The following KDM4C variants were observed in gnomAD, a reference collection of about 807,000 sequenced individuals.
The protein encoded by KDM4C is lysine-specific demethylase 4C.
In KDM4C, 81 loss-of-function variants were observed where a neutral mutation model predicts 129.3. The observed-to-expected ratio is 0.63, with a 90% confidence interval of 0.52 to 0.75. The LOEUF (loss-of-function observed/expected upper bound fraction) is 0.75, where lower values mean the gene tolerates loss of function less well. KDM4C is among the 30% of genes least tolerant of loss of function. The pLI is 0.00. For synonymous variants in KDM4C, 573 were observed against 456.1 expected (o/e 1.26, Z -3.26); for missense variants, 1,457 against 1,304.0 (o/e 1.12, Z -1.81).
intron 1 of KDM4C, among the ~76,000 whole-genome samples, chr9:6,759,420 G>A (rs572945008): frequency 1.3e-5 from 2 of 152,302 alleles, no homozygotes; most frequent in East Asian, 3.9e-4. Flanking sequence ...AGTCGGCTCT[G>A]CTTTGCGATT....
intron 16 of KDM4C, among the ~76,000 whole-genome samples, chr9:7,047,742 T>C (rs1829610504): frequency 6.6e-6 from 1 of 152,034 alleles, no homozygotes; most frequent in Non-Finnish European, 1.5e-5. Context: ...ATCCAGATTT[T>C]CATCTTTAAT....
At chr9:6,796,166 C>T (rs1827712510) in intron 2 of KDM4C, among the ~76,000 whole-genome samples, 1 of 152,082 alleles carries the variant, frequency 6.6e-6, no homozygotes, top group Non-Finnish European at 1.5e-5. Flanking sequence ...CTCATTTGGG[C>T]TGGGTGTGGG....
chr9:6,981,140 G>T, intron 9 of KDM4C, 22 bp downstream of exon 9: 2 of 1,577,968 alleles, frequency 1.3e-6, no homozygotes, highest in South Asian at 2.3e-5. Context: ...TCACCCCACT[G>T]ACCTGCCTTG....
intron 1 of KDM4C, among the ~76,000 whole-genome samples, chr9:6,780,506 C>T (rs560202211): frequency 6.6e-6 from 1 of 151,906 alleles, no homozygotes; most frequent in Admixed American, 6.6e-5. Context: ...GTGGCTCACA[C>T]CTGTAATCCC....
At chr9:6,865,971 T>C (rs1333913341) in intron 5 of KDM4C, among the ~76,000 whole-genome samples, 4 of 152,212 alleles carry the variant, frequency 2.6e-5, no homozygotes, top group Admixed American at 6.5e-5. Flanking sequence ...GCCAGGATGG[T>C]CTCGATCTCC....
chr9:6,902,070 G>A (rs1358526261), intron 8 of KDM4C, among the ~76,000 whole-genome samples: 1 of 152,148 alleles, frequency 6.6e-6, no homozygotes, highest in Non-Finnish European at 1.5e-5. Flanking sequence ...TTAGGCCTTT[G>A]TTGTTTGGGT....
At chr9:7,165,397 A>G (rs758538424) in intron 20 of KDM4C, 40 bp downstream of exon 20, 6 of 1,603,354 alleles carry the variant, frequency 3.7e-6, no homozygotes, top group African/African-American at 1.3e-5. Flanking sequence ...TAAGATTGAC[A>G]TGATAAGTCA....
At chr9:7,119,043 G>A (rs553530315) in intron 18 of KDM4C, among the ~76,000 whole-genome samples, 1 of 152,248 alleles carries the variant, frequency 6.6e-6, no homozygotes, top group South Asian at 2.1e-4. Context: ...TCAGTGGGGA[G>A]AAATGATATT....
chr9:6,933,778 A>T (rs1045345635), intron 8 of KDM4C, among the ~76,000 whole-genome samples: 2 of 152,106 alleles, frequency 1.3e-5, no homozygotes, highest in African/African-American at 4.8e-5. Flanking sequence ...AGATTTTGGT[A>T]TGGCTGTTTT....
At chr9:6,869,510 G>A (rs754725621) in intron 5 of KDM4C, among the ~76,000 whole-genome samples, 4 of 152,230 alleles carry the variant, frequency 2.6e-5, no homozygotes, top group Non-Finnish European at 5.9e-5. Flanking sequence ...CTTGTATAGT[G>A]CTCCAGGAAT....
chr9:6,914,933 T>G (rs112338415), intron 8 of KDM4C, among the ~76,000 whole-genome samples: 5,275 of 152,342 alleles, frequency 0.035, 153 homozygotes, highest in African/African-American at 0.071. Flanking sequence ...TTTGCTTTGT[T>G]AAAGCTGCCC....
chr9:6,730,398 A>T (rs1157195339), intron 1 of KDM4C, among the ~76,000 whole-genome samples: 2 of 151,942 alleles, frequency 1.3e-5, no homozygotes, highest in Admixed American at 1.3e-4. Context: ...GGAGGATCAC[A>T]AGGTCAGGAA....
At chr9:6,762,121 T>C (rs1194956751) in intron 1 of KDM4C, among the ~76,000 whole-genome samples, 1 of 151,996 alleles carries the variant, frequency 6.6e-6, no homozygotes, top group Non-Finnish European at 1.5e-5. Flanking sequence ...TATTATACTT[T>C]AAGTTCTAGG....
intron 5 of KDM4C, among the ~76,000 whole-genome samples, chr9:6,864,132 T>TC (rs1049423912): frequency 4.6e-5 from 7 of 152,236 alleles, no homozygotes; most frequent in African/African-American, 1.7e-4. Flanking sequence ...GTGGGTTTTT[T>TC]CCCCTCCCTG....
intron 11 of KDM4C, among the ~76,000 whole-genome samples, chr9:6,987,078 A>G (rs1394457081): frequency 6.6e-6 from 1 of 152,192 alleles, no homozygotes; most frequent in Non-Finnish European, 1.5e-5. Flanking sequence ...AGTAAAGATT[A>G]CAGAATTGTT....
intron 8 of KDM4C, among the ~76,000 whole-genome samples, chr9:6,935,784 A>G (rs1285564440): frequency 1.3e-5 from 2 of 152,138 alleles, no homozygotes; most frequent in Non-Finnish European, 2.9e-5. Context: ...AGTTTGTGTT[A>G]TGTGTTGTTA....
At chr9:7,050,259 G>A (rs74721999) in intron 17 of KDM4C, among the ~76,000 whole-genome samples, 2,081 of 152,000 alleles carry the variant, frequency 0.014, 19 homozygotes, top group Middle Eastern at 0.058. Flanking sequence ...GCTGATGTGA[G>A]TGTTGGGCTT....
intron 18 of KDM4C, among the ~76,000 whole-genome samples, chr9:7,117,820 G>A (rs1208202414): frequency 6.6e-6 from 1 of 152,170 alleles, no homozygotes; most frequent in African/African-American, 2.4e-5. Context: ...TCTAGCAACA[G>A]TAATGAAATT....
chr9:7,067,482 C>G (rs1267443054), intron 17 of KDM4C, among the ~76,000 whole-genome samples: 3 of 152,112 alleles, frequency 2.0e-5, no homozygotes, highest in Non-Finnish European at 4.4e-5. Flanking sequence ...AATGACAGAC[C>G]AAGCTCAGAG....
Sources: allele counts gnomAD v4.1 joint callset (sites outside exome capture counted in the v4.1 genomes callset), GRCh38; gene constraint gnomAD v4.1.1; transcripts MANE v1.5; gene names NCBI Gene and HGNC (gene_info 2026-07-23, HGNC 2026-07-21).